PBLD: variants seen among roughly 807,000 people sequenced by gnomAD.
PBLD encodes the protein phenazine biosynthesis-like domain-containing protein.
PBLD carries 26 observed loss-of-function variants against 31.3 expected under a neutral mutation model. The ratio of observed to expected loss-of-function variants is 0.83; its 90% CI spans 0.61 to 1.15. PBLD has a LOEUF of 1.15. PBLD is among the 50% of genes most tolerant of loss of function. The pLI, the probability that PBLD is intolerant of heterozygous loss-of-function variation, is 0.00. For synonymous variants in PBLD, 114 were observed against 129.0 expected (o/e 0.88, Z 0.79); for missense variants, 307 against 351.7 (o/e 0.87, Z 1.02).
chr10:68,319,050 AG>A (rs2044780633), intron 1 of PBLD, among the ~76,000 whole-genome samples: 1 of 104,750 alleles, frequency 9.5e-6, no homozygotes, highest in African/African-American at 4.4e-5. Context: ...AGAAAGAAAG[AG>A]AGAGAAAGAA....
At position 68,282,855 on chromosome 10, in the gene PBLD, A is replaced by T. The variant is rs942844862; in HGVS notation, c.*1322T>A. 1 of 152,170 alleles carries T rather than the reference A, an allele frequency of 6.6e-6. No homozygotes were observed. Among genetic ancestry groups the T allele is most frequent in the African/African-American group, 2.4e-5 (1 of 41,424 alleles). The allele number at this position is 152,170 out of a possible 1,614,324, so 9.4% of individuals were successfully genotyped here. ...TTGAGACGGCTGAGAACTACCATCAATGAGATCACCTTAAACAAACACTCT... is the reference window on the plus strand; with the variant it reads ...TTGAGACGGCTGAGAACTACCATCATTGAGATCACCTTAAACAAACACTCT... On this transcript the variant is annotated 3_prime_UTR_variant, in exon 10 of 10. Coordinates refer to ENST00000358769, the MANE Select transcript of PBLD (RefSeq NM_022129.4).
chr10:68,311,674 C>G (rs886981803), intron 1 of PBLD, among the ~76,000 whole-genome samples: 6 of 150,928 alleles, frequency 4.0e-5, no homozygotes, highest in Non-Finnish European at 7.4e-5. Context: ...AGCGCTTGAA[C>G]CCGGGAAGCG....
At chr10:68,290,947 C>T (rs530195963) in intron 6 of PBLD, among the ~76,000 whole-genome samples, 2 of 152,290 alleles carry the variant, frequency 1.3e-5, no homozygotes, top group South Asian at 4.1e-4. Flanking sequence ...GTCTCCAAAA[C>T]CCAAGCCATG....
At chr10:68,313,730 G>A (rs1317042559) in intron 1 of PBLD, among the ~76,000 whole-genome samples, 2 of 152,136 alleles carry the variant, frequency 1.3e-5, no homozygotes, top group Non-Finnish European at 2.9e-5. Flanking sequence ...AGGGACTTCA[G>A]AAAATAGATT....
chr10:68,303,955 G>A (rs538437788), intron 2 of PBLD, among the ~76,000 whole-genome samples: 3 of 152,232 alleles, frequency 2.0e-5, no homozygotes, highest in South Asian at 2.1e-4. Flanking sequence ...ACTGAATAAC[G>A]ATGGGTTTAC....
intron 2 of PBLD, among the ~76,000 whole-genome samples, chr10:68,300,946 G>A (rs2044497615): frequency 6.6e-6 from 1 of 152,056 alleles, no homozygotes; most frequent in African/African-American, 2.4e-5. Flanking sequence ...CACCCAGGCT[G>A]GAGTGCAGTG....
intron 2 of PBLD, among the ~76,000 whole-genome samples, chr10:68,299,089 AGAGT>A (rs1461617327): frequency 1.6e-5 from 2 of 127,226 alleles, no homozygotes; most frequent in Non-Finnish European, 3.2e-5. Context: ...CCTGGGTGAC[AGAGT>A]GAGAGTCCGT....
chr10:68,284,586 C>T (rs1175558245), intron 9 of PBLD, among the ~76,000 whole-genome samples: 1 of 152,184 alleles, frequency 6.6e-6, no homozygotes, highest in Non-Finnish European at 1.5e-5. Flanking sequence ...CTCATCGCTT[C>T]TTCCCCTGCT....
Position 68,306,808 on chromosome 10 carries a change from C to T in PBLD, c.37G>A (p.Ala13Thr). The T allele has an allele frequency of 1.2e-6, 2 of 1,611,502 alleles. No homozygotes were observed. The highest frequency in any genetic ancestry group is 1.7e-6 in the Non-Finnish European group (2 of 1,178,750). ...LPIFIADAFT[A>T]RAFRGNPAAV... ...GCAGGATTCCCACGAAATGCTCTTG[C>T]TGTGAATGCATCTGCTATGAAAATA... Residue 13 changes from alanine to threonine, a missense_variant, in exon 2 of 10, where the codon GCA becomes ACA. Physicochemically the swap from Ala to Thr is moderately conservative, Grantham distance 58. Coordinates refer to ENST00000358769, the MANE Select transcript of PBLD (RefSeq NM_022129.4).
At chr10:68,332,326 C>T (rs971720657) in intron 1 of PBLD, 2 of 152,136 alleles carry the variant, frequency 1.3e-5, no homozygotes, top group African/African-American at 4.8e-5. Flanking sequence ...GTGGTCGCCG[C>T]TCGGAGGCCG....
At chr10:68,296,778 A>G in intron 3 of PBLD, 108 bp downstream of exon 3, 2 of 982,720 alleles carry the variant, frequency 2.0e-6, no homozygotes, top group Non-Finnish European at 1.6e-6. Flanking sequence ...CTGAGGCACA[A>G]TAATTGCTTG....
chr10:68,320,821 CTT>C (rs201356125), intron 1 of PBLD, among the ~76,000 whole-genome samples: 7 of 142,728 alleles, frequency 4.9e-5, no homozygotes, highest in Non-Finnish European at 4.6e-5. Context: ...GCTCAACCCC[CTT>C]TTTTTTTTTT....
chr10:68,326,284 C>T (rs1010526360), intron 1 of PBLD, among the ~76,000 whole-genome samples: 1 of 152,118 alleles, frequency 6.6e-6, no homozygotes, highest in Non-Finnish European at 1.5e-5. Flanking sequence ...AAGTGATCCG[C>T]CAGCTTCGGC....
At chr10:68,332,713 A>T (rs1378206783) in intron 1 of PBLD, 71 bp downstream of exon 1, 1 of 152,342 alleles carries the variant, frequency 6.6e-6, no homozygotes, top group Admixed American at 6.5e-5. Context: ...CGCGCTCCCG[A>T]TGGAAATGGC....
intron 2 of PBLD, among the ~76,000 whole-genome samples, chr10:68,303,717 T>C (rs2044539219): frequency 6.6e-6 from 1 of 152,156 alleles, no homozygotes; most frequent in South Asian, 2.1e-4. Context: ...TTATCAAGTG[T>C]TCAAAAAGCT....
chr10:68,288,705 C>T, intron 7 of PBLD, 44 bp from the exon 8 acceptor site: 1 of 1,585,394 alleles, frequency 6.3e-7, no homozygotes, highest in Non-Finnish European at 8.6e-7. Context: ...CATTTCACAG[C>T]CCACTCACCA....
At chr10:68,314,748 A>C (rs968667681) in intron 1 of PBLD, among the ~76,000 whole-genome samples, 11 of 151,644 alleles carry the variant, frequency 7.3e-5, no homozygotes, top group Admixed American at 2.0e-4. Context: ...CAGGAGCACA[A>C]CACCACACCA....
intron 1 of PBLD, among the ~76,000 whole-genome samples, chr10:68,330,907 T>C (rs575085389): frequency 5.8e-4 from 89 of 152,140 alleles, no homozygotes; most frequent in Middle Eastern, 6.8e-3. Flanking sequence ...CAGACTGGAG[T>C]GCACTGGCGC....
intron 1 of PBLD, among the ~76,000 whole-genome samples, chr10:68,307,305 T>C (rs557186604): frequency 1.1e-4 from 16 of 152,236 alleles, no homozygotes; most frequent in African/African-American, 3.9e-4. Context: ...GCTGAGATTA[T>C]AGGCATGAGC....
Sources: gnomAD v4.1 joint callset for allele counts (sites outside exome capture counted in the v4.1 genomes callset) on GRCh38, gnomAD v4.1.1 for gene constraint, MANE v1.5 for transcripts, NCBI Gene and HGNC (gene_info 2026-07-23, HGNC 2026-07-21) for gene names.